The following PDIK1L variants were observed in gnomAD, a reference collection of about 807,000 sequenced individuals.
PDIK1L encodes serine/threonine-protein kinase PDIK1L.
A neutral mutation model predicts 27.1 loss-of-function variants in PDIK1L; 9 were observed. The ratio of observed to expected loss-of-function variants is 0.33; its 90% confidence interval spans 0.20 to 0.58. The LOEUF (loss-of-function observed/expected upper bound fraction) is 0.58. PDIK1L is among the 20% of genes least tolerant of loss of function. The pLI, the probability that PDIK1L is intolerant of heterozygous loss-of-function variation, is 0.86. For missense variants in PDIK1L, 216 were observed against 413.2 expected, an observed-to-expected ratio of 0.52 and a Z score of 4.14; for synonymous variants, 130 against 141.7, an observed-to-expected ratio of 0.92 and a Z score of 0.59.
intron 2 of PDIK1L, among the ~76,000 whole-genome samples, chr1:26,118,926 T>A (rs1192200438): frequency 6.6e-6 from 1 of 152,234 alleles, no homozygotes; most frequent in Non-Finnish European, 1.5e-5. Context: ...TGTTCTCAGT[T>A]GGAATCATTG....
At position 26,114,402 on chromosome 1, in the gene PDIK1L, G is replaced by T; in HGVS notation, c.94G>T (p.Ala32Ser). The T allele has an allele frequency of 6.2e-7, 1 of 1,614,094 alleles. No homozygotes were observed. The highest frequency in any genetic ancestry group is 8.5e-7 in the Non-Finnish European group (1 of 1,180,000). The stretch of plus-strand genomic sequence containing the variant: ...TGAAGCAGTCATCAGAAAGACCTCT[G>T]CACGGGTGGCAGTGAAGAAAATTCG... ...VYEAVIRKTS[A>S]RVAVKKIRCH... Residue 32 changes from alanine to serine, a missense_variant, in exon 2 of 3, where the codon GCA becomes TCA. By Grantham distance (99) the Ala-to-Ser change is moderately conservative (BLOSUM62 1). This residue lies in a region of PDIK1L where 47 missense variants were observed against 47.2 expected (regional missense o/e 1.00). Coordinates refer to ENST00000374269, the MANE Select transcript of PDIK1L (RefSeq NM_152835.5). This position sits in a 1 kb window ranked among gnomAD's most constrained non-coding sequence, Gnocchi z 4.8.
chr1:26,112,926 C>T (rs542157956), intron 1 of PDIK1L, among the ~76,000 whole-genome samples: 1 of 152,372 alleles, frequency 6.6e-6, no homozygotes, highest in South Asian at 2.1e-4. Flanking sequence ...TAGACTTTCT[C>T]CATTCAACAC....
chr1:26,118,433 TTGATTCAG>T (rs1403966759), intron 2 of PDIK1L, among the ~76,000 whole-genome samples: 1 of 152,252 alleles, frequency 6.6e-6, no homozygotes, highest in East Asian at 1.9e-4. Context: ...CCTACCAGAC[TTGATTCAG>T]TGATTTTTAT....
intron 1 of PDIK1L, among the ~76,000 whole-genome samples, 157 bp downstream of exon 1, chr1:26,112,072 CCT>C (rs1269773274): frequency 2.0e-5 from 3 of 152,140 alleles, no homozygotes; most frequent in Non-Finnish European, 4.4e-5. Flanking sequence ...GTCGCGGCCT[CCT>C]CTCATACCGG....
chr1:26,120,836 C>T (rs1032772582), intron 2 of PDIK1L, among the ~76,000 whole-genome samples: 8 of 151,564 alleles, frequency 5.3e-5, no homozygotes, highest in African/African-American at 9.7e-5. Context: ...CCTGTAGTCT[C>T]GGCTACTTGG....
chr1:26,122,844 CAA>C lies in PDIK1L; in HGVS notation c.*268_*269del, dbSNP rs3833547. ...GGCAGGAAAATTCTTTAAGAGCTAACAAGAGAAGAGAGTCCAGTTTTCTGGAA... is the reference window on the plus strand; with the variant it reads ...GGCAGGAAAATTCTTTAAGAGCTAACGAGAAGAGAGTCCAGTTTTCTGGAA... On this transcript the variant is annotated 3_prime_UTR_variant, in exon 3 of 3. Transcript: ENST00000374269. This position sits in a 1 kb window ranked among gnomAD's most constrained non-coding sequence, Gnocchi z 5.4. 0.2 allele frequency: 58,106 copies of C among 285,826 alleles called. 7,021 individuals carry two copies. The highest frequency in any genetic ancestry group is 0.3 in the East Asian group (4,752 of 16,044). The allele number at this position is 285,826 out of a possible 1,614,324, so 17.7% of individuals were successfully genotyped here. A position where few individuals can be genotyped will look rare whatever the true frequency, so the allele number is the denominator to read the frequency against.
intron 2 of PDIK1L, among the ~76,000 whole-genome samples, chr1:26,119,419 C>A (rs1039712110): frequency 6.6e-6 from 1 of 151,876 alleles, no homozygotes; most frequent in Non-Finnish European, 1.5e-5. Context: ...CTCTCTCTCT[C>A]TCTCTCACAC....
chr1:26,119,089 C>G (rs1338764723), intron 2 of PDIK1L, among the ~76,000 whole-genome samples: 1 of 152,148 alleles, frequency 6.6e-6, no homozygotes. Flanking sequence ...AACAGGGAAA[C>G]CTACATAATC....
chr1:26,115,115 T>G (rs1379128317), intron 2 of PDIK1L, among the ~76,000 whole-genome samples: 1 of 152,270 alleles, frequency 6.6e-6, no homozygotes, highest in Non-Finnish European at 1.5e-5. Flanking sequence ...TTAACAGTGC[T>G]AACAGCTAAC....
At chr1:26,119,032 T>G (rs1321949766) in intron 2 of PDIK1L, among the ~76,000 whole-genome samples, 1 of 152,204 alleles carries the variant, frequency 6.6e-6, no homozygotes, top group African/African-American at 2.4e-5. Flanking sequence ...GTGGCCAGTC[T>G]GTGTACTTGT....
chr1:26,122,049 G>A lies in PDIK1L; in HGVS notation c.498G>A (p.Lys166=). ...ACCAGATCATCCACCGAGATCTTAAGCCTGATAACATCCTGATTTCTCAAA... is the reference window on the plus strand; with the variant it reads ...ACCAGATCATCCACCGAGATCTTAAACCTGATAACATCCTGATTTCTCAAA... ...HKNQIIHRDL[K]PDNILISQTR... The change falls in exon 3 of 3, where the codon AAG becomes AAA. Residue 166 remains lysine, a synonymous_variant. Coordinates refer to ENST00000374269, the MANE Select transcript of PDIK1L (RefSeq NM_152835.5). This position sits in a 1 kb window ranked among gnomAD's most constrained non-coding sequence, Gnocchi z 5.4. 1 of 1,614,000 alleles carries A rather than the reference G, an allele frequency of 6.2e-7. No individual in the cohort carries two copies. The highest frequency in any genetic ancestry group is 8.5e-7 in the Non-Finnish European group (1 of 1,180,024).
At chr1:26,111,296 T>G (rs2087788048), upstream of PDIK1L, 2 of 152,562 alleles carry the variant, frequency 1.3e-5, no homozygotes, top group East Asian at 3.9e-4. This position sits in a 1 kb window ranked among gnomAD's most constrained non-coding sequence, Gnocchi z 4.0. Context: ...CAGGCCTCCT[T>G]GGTCGGGCCG....
chr1:26,116,928 C>G (rs769875276), intron 2 of PDIK1L, among the ~76,000 whole-genome samples: 10 of 149,488 alleles, frequency 6.7e-5, no homozygotes, highest in Non-Finnish European at 1.5e-4. Context: ...GTGGACCAGG[C>G]TGGTCTTGAA....
chr1:26,112,208 G>C (rs1223498991), intron 1 of PDIK1L, among the ~76,000 whole-genome samples: 1 of 152,232 alleles, frequency 6.6e-6, no homozygotes, highest in Admixed American at 6.5e-5. Context: ...CGGCCGAGGA[G>C]GGGGAGGGCC....
chr1:26,117,103 C>T (rs2087892184), intron 2 of PDIK1L, among the ~76,000 whole-genome samples: 1 of 143,544 alleles, frequency 7.0e-6, no homozygotes, highest in Admixed American at 7.3e-5. Flanking sequence ...GCGATCTCGG[C>T]TCACTGCAAC....
rs1292650526 is a variant in PDIK1L, at chr1:26,111,921, T to C, written c.-18+6T>C. Reference sequence around the variant, plus strand: ...GCGGCAGCGTCTACCCTGAGGTAAATCTGGCCTTTCGGCGTGGCGGAGAGG... The same window carrying C: ...GCGGCAGCGTCTACCCTGAGGTAAACCTGGCCTTTCGGCGTGGCGGAGAGG... On this transcript the variant is annotated splice_donor_region_variant and intron_variant, in intron 1 of 2. Transcript: ENST00000374269. The surrounding 1 kb of genome is among the most constrained non-coding windows in gnomAD (Gnocchi z 4.0). The C allele has an allele frequency of 1.3e-5, 2 of 152,066 alleles. No individual in the cohort carries two copies. Among genetic ancestry groups the C allele is most frequent in the East Asian group, 3.9e-4 (2 of 5,106 alleles). 9.4% of individuals were successfully genotyped at this position (152,066 alleles called of 1,614,324 possible). A position where few individuals can be genotyped will look rare whatever the true frequency, so the allele number is the denominator to read the frequency against.
In PDIK1L at chr1:26,116,769, G is replaced by A. The variant is rs565657775; in HGVS notation, c.285+2176G>A. Among the ~76,000 whole-genome samples, 9 of 152,242 alleles carry A rather than the reference G, an allele frequency of 5.9e-5. No homozygotes were observed. In the South Asian group the frequency reaches 1.7e-3, roughly 28 times the overall value. ...TTGCTCTTGTCGCCCAGGCTGGAGC[G>A]CAGTGGTGCAATCTCGGCTTACTGC... On this transcript the variant is annotated intron_variant, in intron 2 of 2. Transcript: ENST00000374269.
intron 2 of PDIK1L, among the ~76,000 whole-genome samples, chr1:26,118,057 CAAA>C (rs763719360): frequency 4.9e-5 from 5 of 102,964 alleles, no homozygotes; most frequent in Admixed American, 2.0e-4. Context: ...GACCCTGTCT[CAAA>C]AAAAAAAAAA....
At chr1:26,116,968 G>A (rs1416732204) in intron 2 of PDIK1L, among the ~76,000 whole-genome samples, 4 of 150,420 alleles carry the variant, frequency 2.7e-5, no homozygotes, top group Non-Finnish European at 2.9e-5. Context: ...CACCCACCTC[G>A]GCCTCCCAAA....
Sources: gnomAD v4.1 joint callset for allele counts (sites outside exome capture counted in the v4.1 genomes callset) on GRCh38, gnomAD v4.1.1 for gene constraint, gnomAD v4.1.1 regional missense constraint, Gnocchi (gnomAD v3.1) non-coding constraint, MANE v1.5 for transcripts, NCBI Gene and HGNC (gene_info 2026-07-23, HGNC 2026-07-21) for gene names.